The following CST7 variants were observed in gnomAD, a reference collection of about 807,000 sequenced individuals.
The protein encoded by CST7 is cystatin F.
Under a neutral mutation model 13.1 loss-of-function variants are expected in CST7, and 15 were observed. The observed-to-expected ratio is 1.14, with a 90% confidence interval of 0.77 to 1.76. CST7 has a LOEUF of 1.76. Ranked by LOEUF, CST7 falls within the 40% of genes most tolerant of loss-of-function variation. The probability of loss-of-function intolerance (pLI) is 0.00; values close to 1 mark genes in which losing one functional copy is unlikely to be tolerated. For synonymous variants in CST7, 75 were observed against 66.9 expected, an observed-to-expected ratio of 1.12 and a Z score of -0.59; for missense variants, 193 against 178.8, an observed-to-expected ratio of 1.08 and a Z score of -0.45.
rs1568806302 is a variant in CST7 at position 24,957,379 on chromosome 20, TAC to T, written c.165_166del (p.Tyr55Ter). 3.1e-6 allele frequency: 5 copies of T among 1,613,820 alleles called. No homozygotes were observed. Among genetic ancestry groups the T allele is most frequent in the South Asian group, 2.2e-5 (2 of 91,088 alleles). On this transcript the variant is annotated frameshift_variant, in exon 2 of 4. Coordinates refer to ENST00000480798, the MANE Select transcript of CST7 (RefSeq NM_003650.4). LOFTEE classifies it high-confidence loss of function. ...CCCAGGAGTCCTCCAAGCAGCCAGATACAGTGTTGAAAAGTTCAACAACTGCA... is the reference window on the plus strand; with the variant it reads ...CCCAGGAGTCCTCCAAGCAGCCAGATAGTGTTGAAAAGTTCAACAACTGCA... The part of the protein sequence containing the change: ...NDPGVLQAAR[Y>X]SVEKFNNCTN...
At position 24,957,407 on chromosome 20, in the gene CST7, C is replaced by G; in HGVS notation, c.191C>G (p.Thr64Arg). ...AGTGTTGAAAAGTTCAACAACTGCA[C>G]GAACGACATGTTCTTGTTCAAGGAG... is the stretch of plus-strand genomic sequence containing the variant. Reference protein sequence around the residue: ...RYSVEKFNNCTNDMFLFKESR... With the variant: ...RYSVEKFNNCRNDMFLFKESR... Residue 64 changes from threonine to arginine, a missense_variant, in exon 2 of 4, where the codon ACG becomes AGG. Coordinates refer to ENST00000480798, the MANE Select transcript of CST7 (RefSeq NM_003650.4). 6.2e-7 allele frequency: 1 copy of G among 1,613,752 alleles called. No individual in the cohort carries two copies. The highest frequency in any genetic ancestry group is 8.5e-7 in the Non-Finnish European group (1 of 1,179,794).
intron 1 of CST7, among the ~76,000 whole-genome samples, chr20:24,956,388 C>A (rs549043261): frequency 4.9e-4 from 75 of 152,190 alleles, no homozygotes; most frequent in Non-Finnish European, 9.3e-4. Context: ...GCCCTCAACA[C>A]CCTGGGGCCC....
chr20:24,950,059 G>GGGGGA (rs2087810171), intron 1 of CST7, among the ~76,000 whole-genome samples: 1 of 152,214 alleles, frequency 6.6e-6, no homozygotes, highest in Admixed American at 6.5e-5. Flanking sequence ...TCAGCACTCA[G>GGGGGA]GGGGAGGGGG....
At chr20:24,958,129 T>A (rs1362678775) in intron 2 of CST7, among the ~76,000 whole-genome samples, 3 of 152,372 alleles carry the variant, frequency 2.0e-5, no homozygotes, top group African/African-American at 7.2e-5. Context: ...TTCATGGTTA[T>A]GCTGGGTCAC....
At chr20:24,950,247 C>T (rs1425752452) in intron 1 of CST7, among the ~76,000 whole-genome samples, 1 of 152,206 alleles carries the variant, frequency 6.6e-6, no homozygotes, top group Non-Finnish European at 1.5e-5. Context: ...GAGGCCCCCA[C>T]CTCATTTAAC....
intron 1 of CST7, among the ~76,000 whole-genome samples, chr20:24,954,510 G>C (rs1443424220): frequency 1.3e-5 from 2 of 152,178 alleles, no homozygotes; most frequent in Non-Finnish European, 2.9e-5. Context: ...AATTCTTAAT[G>C]ATCAACATTT....
At chr20:24,956,992 G>C (rs1039260086) in intron 1 of CST7, among the ~76,000 whole-genome samples, 1 of 4,558 alleles carries the variant, frequency 2.2e-4, no homozygotes, top group Admixed American at 2.8e-3. Context: ...TGTCGGGGGG[G>C]ACAGGTGAGG....
At chr20:24,951,375 G>C (rs1198423587) in intron 1 of CST7, among the ~76,000 whole-genome samples, 1 of 152,216 alleles carries the variant, frequency 6.6e-6, no homozygotes, top group African/African-American at 2.4e-5. Flanking sequence ...GCTCTGTCTA[G>C]TGCAGGCCCT....
At chr20:24,955,821 A>G (rs1216412107) in intron 1 of CST7, among the ~76,000 whole-genome samples, 1 of 152,202 alleles carries the variant, frequency 6.6e-6, no homozygotes, top group Admixed American at 6.5e-5. Flanking sequence ...GTCCCAGGGC[A>G]TGCCAGCGCA....
intron 1 of CST7, among the ~76,000 whole-genome samples, chr20:24,957,053 GGGAGAACAGGTGA>G: frequency 1.3e-5 from 1 of 75,556 alleles, no homozygotes. Flanking sequence ...GGGCAGGTGA[GGGAGAACAGGTGA>G]GGGGGCAGGT....
intron 1 of CST7, among the ~76,000 whole-genome samples, chr20:24,954,061 C>A (rs1335971373): frequency 6.6e-6 from 1 of 152,116 alleles, no homozygotes; most frequent in Non-Finnish European, 1.5e-5. Context: ...GGTGTCCTCT[C>A]CTGTGCCCCA....
At chr20:24,952,168 G>A (rs970065534) in intron 1 of CST7, among the ~76,000 whole-genome samples, 1 of 152,246 alleles carries the variant, frequency 6.6e-6, no homozygotes, top group African/African-American at 2.4e-5. Flanking sequence ...TATTGATAAT[G>A]ATTACAGTTT....
chr20:24,954,414 G>A (rs922293078), intron 1 of CST7, among the ~76,000 whole-genome samples: 3 of 152,184 alleles, frequency 2.0e-5, no homozygotes, highest in East Asian at 1.9e-4. Context: ...TGACTCCATC[G>A]GAGGCTCTCA....
intron 1 of CST7, among the ~76,000 whole-genome samples, chr20:24,952,950 G>A (rs146035960): frequency 1.2e-3 from 114 of 94,298 alleles, no homozygotes; most frequent in African/African-American, 4.7e-3. Flanking sequence ...CCACCACAGC[G>A]ATCCCTGCCC....
At position 24,953,351 on chromosome 20, in the gene CST7, G is replaced by T. The variant is rs926875776; in HGVS notation, c.70+3776G>T. Among the ~76,000 whole-genome samples the T allele has an allele frequency of 2.0e-5, 3 of 152,294 alleles. No individual in the cohort carries two copies. The South Asian group carries it at 6.2e-4, about 32-fold the overall frequency. On this transcript the variant is annotated intron_variant, in intron 1 of 3. Coordinates refer to ENST00000480798, the MANE Select transcript of CST7 (RefSeq NM_003650.4). ...CGATAGCTGGAAGGGGCAGCGTGAT[G>T]TCACAGCACAGGGAGAGGAAGAAGC...
intron 1 of CST7, 77 bp downstream of exon 1, chr20:24,949,652 A>C (rs1215045481): frequency 1.9e-6 from 3 of 1,577,190 alleles, no homozygotes; most frequent in Non-Finnish European, 2.6e-6. Flanking sequence ...GGTCTTCCCC[A>C]GGGCACTTTC....
chr20:24,951,401 G>A (rs1209221166), intron 1 of CST7, among the ~76,000 whole-genome samples: 1 of 152,200 alleles, frequency 6.6e-6, no homozygotes, highest in African/African-American at 2.4e-5. Flanking sequence ...CACTGTGCTG[G>A]TGACAGCCCC....
Position 24,959,736 on chromosome 20 carries a change from C to CA in CST7, c.*25dup. The CA allele has an allele frequency of 6.2e-7, 1 of 1,610,286 alleles. No individual in the cohort carries two copies. The highest frequency in any genetic ancestry group is 8.5e-7 in the Non-Finnish European group (1 of 1,176,562). On this transcript the variant is annotated 3_prime_UTR_variant, in exon 4 of 4. Transcript: ENST00000480798. ...GACCCCCGCCTCTTCAGCAAGACCACAGCCATGACAAACACCAGGATGCAT... is the reference window on the plus strand; with the variant it reads ...GACCCCCGCCTCTTCAGCAAGACCACAAGCCATGACAAACACCAGGATGCAT...
At chr20:24,953,727 C>G (rs945569255) in intron 1 of CST7, among the ~76,000 whole-genome samples, 4 of 152,196 alleles carry the variant, frequency 2.6e-5, no homozygotes, top group African/African-American at 9.6e-5. Flanking sequence ...CAGGCTGCCC[C>G]GGCAGGCTCC....
Sources: gnomAD v4.1 joint callset for allele counts (sites outside exome capture counted in the v4.1 genomes callset) on GRCh38, gnomAD v4.1.1 for gene constraint, MANE v1.5 for transcripts, NCBI Gene and HGNC (gene_info 2026-07-23, HGNC 2026-07-21) for gene names.